HNF1B: variants seen among roughly 807,000 people sequenced by gnomAD.
HNF1B encodes HNF1 homeobox B.
HNF1B carries 8 observed loss-of-function variants against 61.7 expected under a neutral mutation model. The observed-to-expected ratio is 0.13, with a 90% CI of 0.08 to 0.23. The LOEUF (loss-of-function observed/expected upper bound fraction) is 0.23. Ranked by LOEUF, HNF1B falls within the 10% of genes least tolerant of loss-of-function variation. HNF1B has a pLI of 1.00. For missense variants in HNF1B, 562 were observed against 714.5 expected (o/e 0.79, Z 2.43); for synonymous variants, 314 against 287.7 (o/e 1.09, Z -0.93).
chr17:37,687,153 G>C lies in HNF1B; in HGVS notation c.*219C>G, dbSNP rs2031997497. On this transcript the variant is annotated 3_prime_UTR_variant, in exon 9 of 9. Transcript: ENST00000617811. ...CAGGAGTCCTTGACATCGTGGGAGA[G>C]GCATTGTGGCAATACTGCATAGAAG... 1.4e-6 allele frequency: 1 copy of C among 693,378 alleles called. No individual in the cohort carries two copies. Among genetic ancestry groups the C allele is most frequent in the African/African-American group, 1.8e-5 (1 of 57,118 alleles). The allele number at this position is 693,378 out of a possible 1,614,324, so 43.0% of individuals were successfully genotyped here.
intron 1 of HNF1B, among the ~76,000 whole-genome samples, chr17:37,741,267 T>A (rs770517424): frequency 6.6e-6 from 1 of 152,234 alleles, no homozygotes; most frequent in African/African-American, 2.4e-5. Context: ...TCGAACATAT[T>A]TTATAAGCAT....
At chr17:37,699,611 C>T (rs1410463284) in intron 7 of HNF1B, among the ~76,000 whole-genome samples, 1 of 152,216 alleles carries the variant, frequency 6.6e-6, no homozygotes, top group East Asian at 1.9e-4. Context: ...CGCTGGTGAC[C>T]ACTCTCTGAC....
intron 4 of HNF1B, among the ~76,000 whole-genome samples, chr17:37,724,266 A>G (rs916894): frequency 0.12 from 18,923 of 152,118 alleles, 1,506 homozygotes; most frequent in Middle Eastern, 0.21. Flanking sequence ...GCACTTTAAC[A>G]TTTGAGAAGC....
At position 37,731,641 on chromosome 17, in the gene HNF1B, G is replaced by T; in HGVS notation, c.999C>A (p.Gly333=). 1 of 1,614,076 alleles carries T rather than the reference G, an allele frequency of 6.2e-7. No individual in the cohort carries two copies. Among genetic ancestry groups the T allele is most frequent in the Non-Finnish European group, 8.5e-7 (1 of 1,179,960 alleles). ...THSLNPLLSH[G]SPHHQPSSSP... is the part of the protein sequence containing the mutation. ...AGGAGCTGGGCTGGTGGTGGGGGGA[G>T]CCGTGGGAGAGCAGAGGGTTCAGGC... Residue 333 remains glycine, a synonymous_variant, in exon 4 of 9, where the codon GGC becomes GGA. Coordinates refer to ENST00000617811, the MANE Select transcript of HNF1B (RefSeq NM_000458.4).
intron 2 of HNF1B, among the ~76,000 whole-genome samples, chr17:37,735,312 T>C (rs543681193): frequency 6.6e-6 from 1 of 152,230 alleles, no homozygotes; most frequent in Non-Finnish European, 1.5e-5. Context: ...CCAGGCTATA[T>C]GCCTCCAGCA....
intron 8 of HNF1B, among the ~76,000 whole-genome samples, chr17:37,694,365 G>T (rs2032303603): frequency 6.9e-6 from 1 of 145,330 alleles, no homozygotes; most frequent in Admixed American, 7.1e-5. Flanking sequence ...GGTGGAGGCT[G>T]CAGTGAGCTG....
chr17:37,742,059 T>C (rs992877212), intron 1 of HNF1B, among the ~76,000 whole-genome samples: 3 of 152,022 alleles, frequency 2.0e-5, no homozygotes, highest in Non-Finnish European at 4.4e-5. Context: ...AAGGCACCGG[T>C]CCCGAAGAGG....
intron 4 of HNF1B, among the ~76,000 whole-genome samples, chr17:37,725,343 G>A (rs2033462335): frequency 2.0e-5 from 3 of 152,212 alleles, no homozygotes; most frequent in Non-Finnish European, 4.4e-5. Context: ...TTTGTGCAGA[G>A]GCTTGGAGCC....
intron 4 of HNF1B, chr17:37,729,104 G>A (rs1481583783): frequency 6.6e-6 from 1 of 152,172 alleles, no homozygotes; most frequent in Admixed American, 6.5e-5. Context: ...CTGTGTGGAA[G>A]GTCCTATTTC....
intron 2 of HNF1B, among the ~76,000 whole-genome samples, chr17:37,737,879 T>C (rs1007749951): frequency 1.3e-5 from 2 of 152,082 alleles, no homozygotes; most frequent in East Asian, 3.9e-4. Context: ...AAAATAACAA[T>C]AACAACAATC....
intron 4 of HNF1B, chr17:37,731,374 G>GC (rs2033676061): frequency 1.5e-6 from 1 of 663,786 alleles, no homozygotes; most frequent in South Asian, 1.6e-5. Context: ...CTCCCTGGAA[G>GC]CCGAGTGAGC....
chr17:37,704,637 A>C (rs533307388), intron 6 of HNF1B, among the ~76,000 whole-genome samples: 1 of 152,356 alleles, frequency 6.6e-6, no homozygotes, highest in Non-Finnish European at 1.5e-5. Flanking sequence ...TTTATAGATG[A>C]GGACATTGAA....
intron 3 of HNF1B, among the ~76,000 whole-genome samples, chr17:37,732,257 G>A (rs917907196): frequency 2.6e-5 from 4 of 152,178 alleles, no homozygotes; most frequent in African/African-American, 9.7e-5. Context: ...GTCTTTTGGG[G>A]CTTGAACTCC....
intron 3 of HNF1B, 48 bp from the exon 4 acceptor site, chr17:37,731,878 C>A: frequency 7.9e-7 from 1 of 1,258,458 alleles, no homozygotes; most frequent in East Asian, 2.3e-5. Flanking sequence ...GGCGGGGGGA[C>A]TTGTTGGTGC....
intron 1 of HNF1B, among the ~76,000 whole-genome samples, chr17:37,742,922 C>A (rs185163142): frequency 6.6e-6 from 1 of 151,856 alleles, no homozygotes; most frequent in African/African-American, 2.4e-5. Flanking sequence ...TCCTTCCCCC[C>A]TCTAAGCCGC....
intron 8 of HNF1B, among the ~76,000 whole-genome samples, chr17:37,694,300 G>C (rs2032301078): frequency 6.6e-6 from 1 of 152,046 alleles, no homozygotes; most frequent in Admixed American, 6.5e-5. Context: ...GTGGTGGCCT[G>C]TGCCTGTAAT....
At chr17:37,733,965 C>G in intron 2 of HNF1B, 144 bp from the exon 3 acceptor site, 1 of 997,618 alleles carries the variant, frequency 1.0e-6, no homozygotes, top group Non-Finnish European at 1.5e-6. Flanking sequence ...GCATGTGGAG[C>G]TGGAGATGGG....
intron 2 of HNF1B, among the ~76,000 whole-genome samples, chr17:37,738,159 A>C (rs1388698987): frequency 2.0e-5 from 3 of 152,196 alleles, no homozygotes; most frequent in African/African-American, 7.2e-5. Flanking sequence ...GAGTTGCTTC[A>C]TGTCAGGAAC....
rs2034134865 is a variant in HNF1B, at chr17:37,745,038, C to G, written c.-154G>C. Reference sequence around the variant, plus strand: ...CTCCCCGGGGTCCCGGAGGCTCCTCCGAAAGGAGTCAGAAAACTTCTAACT... The same window carrying G: ...CTCCCCGGGGTCCCGGAGGCTCCTCGGAAAGGAGTCAGAAAACTTCTAACT... On this transcript the variant is annotated 5_prime_UTR_variant, in exon 1 of 9. Coordinates refer to ENST00000617811, the MANE Select transcript of HNF1B (RefSeq NM_000458.4). 1.5e-6 allele frequency: 1 copy of G among 652,230 alleles called. No homozygotes were observed. Among genetic ancestry groups the G allele is most frequent in the Non-Finnish European group, 2.7e-6 (1 of 375,356 alleles). 40.4% of individuals were successfully genotyped at this position (652,230 alleles called of 1,614,324 possible).
Sources: allele counts gnomAD v4.1 joint callset (sites outside exome capture counted in the v4.1 genomes callset), GRCh38; gene constraint gnomAD v4.1.1; transcripts MANE v1.5; gene names NCBI Gene and HGNC (gene_info 2026-07-23, HGNC 2026-07-21).